The following MKLN1 variants were observed in gnomAD, a reference collection of about 807,000 sequenced individuals.
MKLN1 encodes the protein muskelin.
Under a neutral mutation model 99.0 loss-of-function variants are expected in MKLN1, and 18 were observed. That is an observed-to-expected ratio of 0.18 (90% CI 0.13 to 0.27). MKLN1 has a LOEUF of 0.27. Among genes scored for constraint, MKLN1 ranks in the 10% least tolerant of loss-of-function variants. MKLN1 has a pLI of 1.00. For missense variants in MKLN1, 621 were observed against 875.9 expected (o/e 0.71, Z 3.67); for synonymous variants, 288 against 293.2 (o/e 0.98, Z 0.18).
At chr7:131,281,563 T>TA (rs996272452) in intron 3 of MKLN1, among the ~76,000 whole-genome samples, 9 of 151,456 alleles carry the variant, frequency 5.9e-5, no homozygotes, top group East Asian at 3.9e-4. Context: ...TTCTGTAAAA[T>TA]AAAAAAAAAG....
intron 3 of MKLN1, among the ~76,000 whole-genome samples, chr7:131,237,350 G>GC (rs1364729928): frequency 2.0e-5 from 3 of 152,266 alleles, no homozygotes; most frequent in East Asian, 3.9e-4. Flanking sequence ...TAGACTTAAA[G>GC]CATGTTAGAA....
intron 1 of MKLN1, among the ~76,000 whole-genome samples, chr7:131,371,604 C>T (rs184090428): frequency 6.6e-6 from 1 of 152,140 alleles, no homozygotes; most frequent in Non-Finnish European, 1.5e-5. Flanking sequence ...TGTTTGGCCC[C>T]CTTGATTTTG....
chr7:131,287,506 G>A (rs1798150330), intron 3 of MKLN1, among the ~76,000 whole-genome samples: 1 of 152,108 alleles, frequency 6.6e-6, no homozygotes, highest in Non-Finnish European at 1.5e-5. Flanking sequence ...TCTCTTATAA[G>A]GATACATGTG....
chr7:131,229,886 C>T (rs1279922781), intron 3 of MKLN1, among the ~76,000 whole-genome samples: 2 of 152,196 alleles, frequency 1.3e-5, no homozygotes, highest in African/African-American at 4.8e-5. Flanking sequence ...CAAAGGCTGG[C>T]TGCATTAACA....
At chr7:131,397,676 A>G (rs565579451) in intron 5 of MKLN1, among the ~76,000 whole-genome samples, 1 of 152,218 alleles carries the variant, frequency 6.6e-6, no homozygotes, top group African/African-American at 2.4e-5. Context: ...TTGAGCCAGT[A>G]TATGAATTCA....
At chr7:131,389,560 T>C (rs953269929) in intron 4 of MKLN1, among the ~76,000 whole-genome samples, 4 of 152,166 alleles carry the variant, frequency 2.6e-5, no homozygotes, top group African/African-American at 9.7e-5. Context: ...CCTTAAGGCA[T>C]GTATTTATTT....
At chr7:131,194,660 A>T (rs1373815409) in intron 2 of MKLN1, among the ~76,000 whole-genome samples, 1 of 152,170 alleles carries the variant, frequency 6.6e-6, no homozygotes, top group Non-Finnish European at 1.5e-5. Context: ...CCCTTATCAC[A>T]AACAGATGGA....
intron 3 of MKLN1, among the ~76,000 whole-genome samples, chr7:131,279,765 C>T (rs1257066006): frequency 1.3e-5 from 2 of 152,154 alleles, no homozygotes; most frequent in African/African-American, 4.8e-5. Context: ...CATGATTGCA[C>T]CTCTGCATTC....
At chr7:131,150,523 G>A (rs931500923) in intron 2 of MKLN1, among the ~76,000 whole-genome samples, 1 of 151,758 alleles carries the variant, frequency 6.6e-6, no homozygotes, top group Non-Finnish European at 1.5e-5. Flanking sequence ...TAATAAAATA[G>A]CTATTTCACA....
intron 1 of MKLN1, among the ~76,000 whole-genome samples, chr7:131,133,056 G>A (rs1185198545): frequency 6.6e-6 from 1 of 151,424 alleles, no homozygotes; most frequent in Non-Finnish European, 1.5e-5. Flanking sequence ...AGACATCACA[G>A]GCACTCAACA....
At chr7:131,138,394 C>T (rs1018399271) in intron 1 of MKLN1, among the ~76,000 whole-genome samples, 1 of 152,158 alleles carries the variant, frequency 6.6e-6, no homozygotes, top group Non-Finnish European at 1.5e-5. Flanking sequence ...AATAAACCAG[C>T]CGTAACACCT....
chr7:131,177,674 G>A (rs922947124), intron 2 of MKLN1, among the ~76,000 whole-genome samples: 6 of 151,988 alleles, frequency 3.9e-5, no homozygotes, highest in African/African-American at 1.2e-4. Context: ...CTACCACTAT[G>A]GTTATAATTT....
At chr7:131,382,862 T>C (rs2116870236) in intron 2 of MKLN1, among the ~76,000 whole-genome samples, 1 of 152,078 alleles carries the variant, frequency 6.6e-6, no homozygotes, top group East Asian at 1.9e-4. Context: ...TAGCTGGGAC[T>C]ACAGGTGCCC....
At chr7:131,267,801 T>C (rs1402157905) in intron 3 of MKLN1, among the ~76,000 whole-genome samples, 1 of 152,230 alleles carries the variant, frequency 6.6e-6, no homozygotes, top group Non-Finnish European at 1.5e-5. Flanking sequence ...TTTCAAAGTC[T>C]GGTAAGTAAA....
chr7:131,407,904 A>C (rs1794756189), intron 6 of MKLN1, among the ~76,000 whole-genome samples: 1 of 151,980 alleles, frequency 6.6e-6, no homozygotes, highest in South Asian at 2.1e-4. Flanking sequence ...CATTTTGTTC[A>C]TAAAAGATTG....
chr7:131,305,338 GC>G (rs1012413566), intron 3 of MKLN1, among the ~76,000 whole-genome samples: 7 of 152,144 alleles, frequency 4.6e-5, no homozygotes, highest in African/African-American at 1.7e-4. Flanking sequence ...AACTTTGGTG[GC>G]CTTTAGTAAT....
intron 3 of MKLN1, among the ~76,000 whole-genome samples, chr7:131,303,833 A>G (rs552843716): frequency 1.3e-5 from 2 of 152,164 alleles, no homozygotes; most frequent in Non-Finnish European, 2.9e-5. Flanking sequence ...TTATATCCCC[A>G]TTGTGATTTT....
chr7:131,171,310 T>C (rs1796211753), intron 2 of MKLN1, among the ~76,000 whole-genome samples: 1 of 152,128 alleles, frequency 6.6e-6, no homozygotes, highest in African/African-American at 2.4e-5. Flanking sequence ...ATAGGTTTAT[T>C]AAATGCAGTG....
Position 131,429,029 on chromosome 7 carries a change from A to G in MKLN1, c.848-4A>G, listed in dbSNP as rs200128438. The G allele has an allele frequency of 1.3e-5, 21 of 1,610,796 alleles. No homozygotes were observed. Among genetic ancestry groups the G allele is most frequent in the African/African-American group, 1.1e-4 (8 of 74,566 alleles). Reference sequence around the variant, plus strand: ...TTTTACACATATTTTTCTGATTTTCATAGAGACTGTTTATTTGTTTGGTGG... The same window carrying G: ...TTTTACACATATTTTTCTGATTTTCGTAGAGACTGTTTATTTGTTTGGTGG... On this transcript the variant is annotated splice_polypyrimidine_tract_variant and splice_region_variant and intron_variant, in intron 8 of 17. Coordinates refer to ENST00000352689, the MANE Select transcript of MKLN1 (RefSeq NM_013255.5).
Sources: gnomAD v4.1 joint callset for allele counts (sites outside exome capture counted in the v4.1 genomes callset) on GRCh38, gnomAD v4.1.1 for gene constraint, MANE v1.5 for transcripts, NCBI Gene and HGNC (gene_info 2026-07-23, HGNC 2026-07-21) for gene names.